The following TAF2 variants were observed in gnomAD, a reference collection of about 807,000 sequenced individuals.
The protein encoded by TAF2 is transcription initiation factor TFIID subunit 2.
Under a neutral mutation model 138.5 loss-of-function variants are expected in TAF2, and 61 were observed. The ratio of observed to expected loss-of-function variants is 0.44; its 90% CI spans 0.36 to 0.54. TAF2 has a LOEUF of 0.54. TAF2 is among the 20% of genes least tolerant of loss of function. The probability of loss-of-function intolerance (pLI) is 0.00; values close to 1 mark genes in which losing one functional copy is unlikely to be tolerated. For synonymous variants in TAF2, 475 were observed against 469.9 expected (o/e 1.01, Z -0.14); for missense variants, 1,090 against 1,427.9 (o/e 0.76, Z 3.81).
Position 119,730,898 on chromosome 8 carries a change from T to C in TAF2, c.*1026A>G, listed in dbSNP as rs1014020407. ...GGGAATGATAAAAATTGAACAGATA[T>C]AAAAAATATTCTTAAACAAATATTA... On this transcript the variant is annotated 3_prime_UTR_variant, in exon 26 of 26. Transcript: ENST00000378164. 2 of 152,100 alleles carry C rather than the reference T, an allele frequency of 1.3e-5. No individual in the cohort carries two copies. The highest frequency in any genetic ancestry group is 6.5e-5 in the Admixed American group (1 of 15,276). The allele number at this position is 152,100 out of a possible 1,614,324, so 9.4% of individuals were successfully genotyped here.
At chr8:119,829,183 T>G (rs1197866494) in intron 2 of TAF2, among the ~76,000 whole-genome samples, 1 of 152,208 alleles carries the variant, frequency 6.6e-6, no homozygotes, top group African/African-American at 2.4e-5. Context: ...ACGAGTTGCA[T>G]TAACTGGGCT....
chr8:119,731,681 G>A lies in TAF2; in HGVS notation c.*243C>T. ...TTATGAAAGGGAGTTTGCTCTGTGT[G>A]TGTGTTTTGGGGAGGAAACAGCGGA... On this transcript the variant is annotated 3_prime_UTR_variant, in exon 26 of 26. Transcript: ENST00000378164. The A allele has an allele frequency of 1.9e-6, 1 of 531,480 alleles. No homozygotes were observed. The highest frequency in any genetic ancestry group is 2.1e-5 in the South Asian group (1 of 47,696). 32.9% of individuals were successfully genotyped at this position (531,480 alleles called of 1,614,324 possible). A position where few individuals can be genotyped will look rare whatever the true frequency, so the allele number is the denominator to read the frequency against.
chr8:119,752,745 A>G (rs572434307), intron 22 of TAF2, among the ~76,000 whole-genome samples: 2 of 152,356 alleles, frequency 1.3e-5, no homozygotes, highest in South Asian at 4.1e-4. Flanking sequence ...TGATAAGATG[A>G]TCCTTCTGAA....
rs1056057339 is a variant in TAF2, at chr8:119,793,282, A to C, written c.1277+84T>G. Reference sequence around the variant, plus strand: ...AAAGGTTAAATAAATTCTGAGGTACAATGAAATACTATTTAGCTCTTAAAT... The same window carrying C: ...AAAGGTTAAATAAATTCTGAGGTACCATGAAATACTATTTAGCTCTTAAAT... On this transcript the variant is annotated intron_variant, in intron 10 of 25. Coordinates refer to ENST00000378164, the MANE Select transcript of TAF2 (RefSeq NM_003184.4). The C allele has an allele frequency of 5.3e-5, 62 of 1,178,306 alleles. No individual in the cohort carries two copies. The Middle Eastern group carries it at 6.8e-4, about 13-fold the overall frequency. 73.0% of individuals were successfully genotyped at this position (1,178,306 alleles called of 1,614,324 possible). A position where few individuals can be genotyped will look rare whatever the true frequency, so the allele number is the denominator to read the frequency against.
intron 9 of TAF2, among the ~76,000 whole-genome samples, chr8:119,793,914 G>C (rs185342161): frequency 2.7e-5 from 4 of 150,848 alleles, no homozygotes; most frequent in Admixed American, 2.6e-4. Flanking sequence ...AAAAAAAAAG[G>C]GGGGGTTGGG....
chr8:119,747,332 G>T (rs1045549808), intron 22 of TAF2, among the ~76,000 whole-genome samples: 2 of 152,028 alleles, frequency 1.3e-5, no homozygotes, highest in Non-Finnish European at 2.9e-5. Flanking sequence ...AACTACTATT[G>T]GACTTATTGT....
intron 22 of TAF2, among the ~76,000 whole-genome samples, chr8:119,751,243 T>C (rs1586318000): frequency 6.6e-6 from 1 of 152,168 alleles, no homozygotes; most frequent in South Asian, 2.1e-4. Flanking sequence ...TTTCTTTCAG[T>C]GTGGAAAAAA....
intron 2 of TAF2, among the ~76,000 whole-genome samples, 170 bp from the exon 3 acceptor site, chr8:119,819,676 G>A (rs1825699879): frequency 6.6e-6 from 1 of 152,114 alleles, no homozygotes; most frequent in African/African-American, 2.4e-5. Context: ...GATTGTCCTA[G>A]TGACTGAATG....
intron 25 of TAF2, among the ~76,000 whole-genome samples, chr8:119,738,920 T>C (rs1187007411): frequency 6.6e-6 from 1 of 152,080 alleles, no homozygotes; most frequent in Non-Finnish European, 1.5e-5. Flanking sequence ...AATTATATCA[T>C]TATAATTTAA....
rs749751950 is a variant in TAF2, at chr8:119,788,462, A to C, written c.1684-15T>G. The C allele has an allele frequency of 3.8e-6, 6 of 1,587,738 alleles. No individual in the cohort carries two copies. The highest frequency in any genetic ancestry group is 5.2e-6 in the Non-Finnish European group (6 of 1,158,250). On this transcript the variant is annotated splice_polypyrimidine_tract_variant and intron_variant, in intron 13 of 25. Coordinates refer to ENST00000378164, the MANE Select transcript of TAF2 (RefSeq NM_003184.4). ...TTAAGTGGTCCCTTTTAAAAAAAAA[A>C]CGTACTGTTCAGAGATGTGATTTAA...
intron 6 of TAF2, 149 bp downstream of exon 6, chr8:119,801,645 G>C (rs1396986920): frequency 1.4e-6 from 1 of 739,854 alleles, no homozygotes; most frequent in Non-Finnish European, 2.4e-6. Flanking sequence ...AGCCAGGATG[G>C]TCTCGATCTC....
chr8:119,754,246 A>G (rs1586326893), intron 22 of TAF2, among the ~76,000 whole-genome samples: 1 of 152,228 alleles, frequency 6.6e-6, no homozygotes, highest in African/African-American at 2.4e-5. Context: ...TAACATCTCA[A>G]TATTAGTGAA....
chr8:119,803,811 T>C (rs1463798992), intron 5 of TAF2, 67 bp downstream of exon 5: 1 of 1,414,458 alleles, frequency 7.1e-7, no homozygotes, highest in Admixed American at 1.9e-5. Flanking sequence ...ACCAAATGTA[T>C]GTCTTGCTTA....
intron 14 of TAF2, among the ~76,000 whole-genome samples, chr8:119,786,380 A>T (rs1433666108): frequency 1.3e-5 from 2 of 152,324 alleles, no homozygotes; most frequent in East Asian, 3.9e-4. Context: ...CTAGGTATTA[A>T]TCCAACAAGA....
At chr8:119,812,187 A>T (rs918600234) in intron 3 of TAF2, among the ~76,000 whole-genome samples, 1 of 152,178 alleles carries the variant, frequency 6.6e-6, no homozygotes, top group Non-Finnish European at 1.5e-5. Context: ...GATTGGCTAT[A>T]TATTTTTAAG....
At chr8:119,783,318 C>G (rs942842905) in intron 16 of TAF2, 63 bp downstream of exon 16, 52 of 1,563,984 alleles carry the variant, frequency 3.3e-5, no homozygotes, top group Non-Finnish European at 4.2e-5. Context: ...AATTTTAATT[C>G]ATTTTCAGAG....
intron 3 of TAF2, among the ~76,000 whole-genome samples, chr8:119,809,074 T>C (rs762659739): frequency 7.2e-5 from 11 of 152,246 alleles, no homozygotes; most frequent in Non-Finnish European, 1.3e-4. Context: ...AAGTTCCAGA[T>C]AGCATCTTCT....
Position 119,791,456 on chromosome 8 carries a change from C to T in TAF2, c.1281G>A (p.Pro427=), listed in dbSNP as rs781276198. ...TTATTGAAAAGTGTAGATGGGAAGCCGGACTAAAAAAAATAAACACATTTA... is the reference window on the plus strand; with the variant it reads ...TTATTGAAAAGTGTAGATGGGAAGCTGGACTAAAAAAAATAAACACATTTA... ...IFGGGKEKDN[P]ASHLHFSIKH... The change falls in exon 11 of 26, where the codon CCG becomes CCA. Residue 427 remains proline, a synonymous_variant. Coordinates refer to ENST00000378164, the MANE Select transcript of TAF2 (RefSeq NM_003184.4). The T allele has an allele frequency of 6.8e-6, 11 of 1,611,494 alleles. No homozygotes were observed. The highest frequency in any genetic ancestry group is 1.1e-5 in the South Asian group (1 of 90,920).
At chr8:119,790,533 AT>A (rs1165702820) in intron 11 of TAF2, among the ~76,000 whole-genome samples, 8 of 152,164 alleles carry the variant, frequency 5.3e-5, no homozygotes, top group Non-Finnish European at 1.5e-5. Context: ...TAAAAAAAGC[AT>A]TATTTTTTAC....
Sources: allele counts gnomAD v4.1 joint callset (sites outside exome capture counted in the v4.1 genomes callset), GRCh38; gene constraint gnomAD v4.1.1; transcripts MANE v1.5; gene names NCBI Gene and HGNC (gene_info 2026-07-23, HGNC 2026-07-21).